PLXND1: variants seen among roughly 807,000 people sequenced by gnomAD.
PLXND1 encodes plexin-D1.
Under a neutral mutation model 197.7 loss-of-function variants are expected in PLXND1, and 54 were observed. The ratio of observed to expected loss-of-function variants is 0.27; its 90% CI spans 0.22 to 0.34. The LOEUF (loss-of-function observed/expected upper bound fraction) is 0.34. PLXND1 is among the 10% of genes least tolerant of loss of function. The probability of loss-of-function intolerance (pLI) is 1.00; values close to 1 mark genes in which losing one functional copy is unlikely to be tolerated. For synonymous variants in PLXND1, 1,180 were observed against 1,161.2 expected (o/e 1.02, Z -0.33); for missense variants, 2,127 against 2,699.2 (o/e 0.79, Z 4.70).
intron 1 of PLXND1, among the ~76,000 whole-genome samples, chr3:129,598,648 C>A (rs1041433312): frequency 6.6e-6 from 1 of 152,188 alleles, no homozygotes; most frequent in Non-Finnish European, 1.5e-5. Context: ...CTCACAGGGG[C>A]CTCGGCGGAC....
chr3:129,605,264 C>A (rs1050388787), intron 1 of PLXND1, 65 bp downstream of exon 1: 30 of 478,178 alleles, frequency 6.3e-5, no homozygotes, highest in Non-Finnish European at 8.4e-5. Context: ...GCTCGGTTCC[C>A]GCCCGCCCCC....
At chr3:129,556,549 G>T in intron 35 of PLXND1, 68 bp downstream of exon 35, 3 of 1,350,840 alleles carry the variant, frequency 2.2e-6, no homozygotes, top group Non-Finnish European at 3.2e-6. Context: ...CAAGCACCCT[G>T]AGATGTGTGT....
At position 129,605,767 on chromosome 3, in the gene PLXND1, C is replaced by A. The variant is rs2085781889; in HGVS notation, c.873G>T (p.Pro291=). 1 of 1,568,206 alleles carries A rather than the reference C, an allele frequency of 6.4e-7. No individual in the cohort carries two copies. The highest frequency in any genetic ancestry group is 8.6e-7 in the Non-Finnish European group (1 of 1,158,088). ...CCAGGTACGCGTAGGACTGTGCACC[C>A]GGCGGCGGGTCGGACGGGTGCAGGA... is the stretch of plus-strand genomic sequence containing the variant. ...SAFLHPSDPP[P]GAQSYAYLAL... Residue 291 remains proline, a synonymous_variant, in exon 1 of 36, where the codon CCG becomes CCT. Coordinates refer to ENST00000324093, the MANE Select transcript of PLXND1 (RefSeq NM_015103.3).
chr3:129,586,174 C>A lies in PLXND1; in HGVS notation c.1719G>T (p.Thr573=), dbSNP rs750000293. 6.2e-7 allele frequency: 1 copy of A among 1,607,310 alleles called. No homozygotes were observed. The highest frequency in any genetic ancestry group is 8.5e-7 in the Non-Finnish European group (1 of 1,178,480). Residue 573 remains threonine, a splice_region_variant and synonymous_variant, in exon 4 of 36, where the codon ACG becomes ACT. Coordinates refer to ENST00000324093, the MANE Select transcript of PLXND1 (RefSeq NM_015103.3). Reference sequence around the variant, plus strand: ...CTGTTGCTGGTGTCCAGCCTCACCGCGTCTCCAGGGCACACCAGCCGCAGT... The same window carrying A: ...CTGTTGCTGGTGTCCAGCCTCACCGAGTCTCCAGGGCACACCAGCCGCAGT... The part of the protein sequence containing the change: ...DAYCGWCALE[T]RCTLQQDCTN...
At chr3:129,590,900 G>A (rs1038413958) in intron 1 of PLXND1, among the ~76,000 whole-genome samples, 16 of 152,208 alleles carry the variant, frequency 1.1e-4, no homozygotes, top group East Asian at 3.8e-4. Context: ...GGAGGTCACC[G>A]GAAGGCAGCA....
chr3:129,566,259 C>T (rs1275218489), intron 23 of PLXND1: 6 of 596,890 alleles, frequency 1.0e-5, no homozygotes, highest in South Asian at 5.9e-5. Context: ...AGGACTCTCA[C>T]CTTCCATTTT....
chr3:129,574,500 C>G lies in PLXND1; in HGVS notation c.2531-10G>C. 1 of 1,610,904 alleles carries G rather than the reference C, an allele frequency of 6.2e-7. No individual in the cohort carries two copies. Among genetic ancestry groups the G allele is most frequent in the Non-Finnish European group, 8.5e-7 (1 of 1,178,576 alleles). ...CAGTTATAGACCATGACTGGGGAGA[C>G]ACGGGGCAGCTCGGTCAGCCCCGCT... is the stretch of plus-strand genomic sequence containing the variant. On this transcript the variant is annotated splice_polypyrimidine_tract_variant and intron_variant, in intron 11 of 35. Transcript: ENST00000324093.
intron 8 of PLXND1, among the ~76,000 whole-genome samples, chr3:129,580,701 T>A (rs1344702997): frequency 1.3e-5 from 2 of 152,062 alleles, no homozygotes; most frequent in African/African-American, 4.8e-5. Context: ...GAACCGAGGC[T>A]GGAGGAGTCC....
chr3:129,568,689 C>T (rs2085177937), intron 20 of PLXND1, among the ~76,000 whole-genome samples: 1 of 152,194 alleles, frequency 6.6e-6, no homozygotes, highest in African/African-American at 2.4e-5. Context: ...GCTGGGACTA[C>T]AGACTCATGC....
rs1023212544 is a variant in PLXND1 at position 129,558,181 on chromosome 3, C to G, written c.5445+247G>C. Among the ~76,000 whole-genome samples the G allele has an allele frequency of 6.6e-6, 1 of 152,224 alleles. No individual in the cohort carries two copies. The highest frequency in any genetic ancestry group is 2.4e-5 in the African/African-American group (1 of 41,466). ...TCAGGCCTGTGTTCAAAGCCAGTGC[C>G]AGGCACAGCTGCAGCATGTGCAGTT... On this transcript the variant is annotated intron_variant, in intron 33 of 35. Transcript: ENST00000324093. This position sits in a 1 kb window ranked among gnomAD's most constrained non-coding sequence, Gnocchi z 4.1.
At chr3:129,586,869 G>T in intron 2 of PLXND1, 150 bp from the exon 3 acceptor site, 1 of 863,604 alleles carries the variant, frequency 1.2e-6, no homozygotes, top group Non-Finnish European at 1.8e-6. Context: ...GTGCAGGGGA[G>T]GGCACAGGGC....
In PLXND1 at chr3:129,575,550, G is replaced by A. The variant is rs200619991; in HGVS notation, c.2449C>T (p.Arg817Trp). The A allele has an allele frequency of 1.9e-4, 297 of 1,555,748 alleles. 3 individuals carry two copies. In the Admixed American group the frequency reaches 3.1e-3, roughly 16 times the overall value. ...RCDQVVLHTT[R>W]KSQVFPLSLQ... ...CTGAGCGGGAACACCTGGCTCTTCC[G>A]GGTCGTGTGCAGCTGCAAAAGGGCA... Residue 817 changes from arginine to tryptophan, a missense_variant, in exon 11 of 36, where the codon CGG becomes TGG. By Grantham distance (101) the Arg-to-Trp change is moderately radical. Transcript: ENST00000324093.
At chr3:129,567,437 G>A (rs1454077155) in intron 22 of PLXND1, 55 bp downstream of exon 22, 4 of 1,020,538 alleles carry the variant, frequency 3.9e-6, no homozygotes, top group Non-Finnish European at 6.0e-6. Context: ...CAGAGAGGTC[G>A]AGTTGCCTTG....
At chr3:129,581,950 C>A (rs1393016003) in intron 8 of PLXND1, among the ~76,000 whole-genome samples, 2 of 152,220 alleles carry the variant, frequency 1.3e-5, no homozygotes, top group Non-Finnish European at 2.9e-5. Context: ...GGGCTGGGAG[C>A]TGGAAGGAAG....
In PLXND1 at chr3:129,560,627, A is replaced by G. The variant is rs939755658; in HGVS notation, c.5028+62T>C. ...CTTTTCCCAAGAGGCCCAGGGCCAC[A>G]GAAAGCCAAGGCCACACCCACTGAG... On this transcript the variant is annotated intron_variant, in intron 30 of 35. Transcript: ENST00000324093. The G allele has an allele frequency of 1.1e-5, 14 of 1,320,614 alleles. No homozygotes were observed. The Admixed American group carries it at 1.2e-4, about 11-fold the overall frequency. 81.8% of individuals were successfully genotyped at this position (1,320,614 alleles called of 1,614,324 possible).
chr3:129,563,322 C>G, intron 25 of PLXND1, 82 bp from the exon 26 acceptor site: 1 of 1,167,888 alleles, frequency 8.6e-7, no homozygotes, highest in Non-Finnish European at 1.2e-6. Context: ...TTCACGCCCC[C>G]GTCCCCCAAC....
At chr3:129,570,979 G>A (rs758179602) in intron 18 of PLXND1, 44 bp from the exon 19 acceptor site, 41 of 1,613,596 alleles carry the variant, frequency 2.5e-5, no homozygotes, top group Non-Finnish European at 3.1e-5. Flanking sequence ...AAGTGCTCCC[G>A]AGGCCCACAG....
At chr3:129,605,028 T>A (rs2085762622) in intron 1 of PLXND1, among the ~76,000 whole-genome samples, 1 of 152,152 alleles carries the variant, frequency 6.6e-6, no homozygotes, top group South Asian at 2.1e-4. Flanking sequence ...TACCTGGGCT[T>A]TATGCGCACC....
intron 2 of PLXND1, 44 bp downstream of exon 2, chr3:129,589,307 G>GCCGGGGCCCCCCCCCCCCCCC: frequency 5.8e-6 from 4 of 684,688 alleles, no homozygotes; most frequent in Admixed American, 2.3e-5. Context: ...TCCCAGGGGA[G>GCCGGGGCCCCCCCCCCCCCCC]CCTCCCACCC....
Sources: gnomAD v4.1 joint callset for allele counts (sites outside exome capture counted in the v4.1 genomes callset) on GRCh38, gnomAD v4.1.1 for gene constraint, Gnocchi (gnomAD v3.1) non-coding constraint, MANE v1.5 for transcripts, NCBI Gene and HGNC (gene_info 2026-07-23, HGNC 2026-07-21) for gene names.